RFX3: variants seen among roughly 807,000 people sequenced by gnomAD.
RFX3 encodes the protein transcription factor RFX3.
A neutral mutation model predicts 98.6 loss-of-function variants in RFX3; 14 were observed. The observed-to-expected ratio is 0.14, with a 90% CI of 0.09 to 0.22. RFX3 has a LOEUF of 0.22. Ranked by LOEUF, RFX3 falls within the 10% of genes least tolerant of loss-of-function variation. The probability of loss-of-function intolerance (pLI) is 1.00; values close to 1 mark genes in which losing one functional copy is unlikely to be tolerated. For synonymous variants in RFX3, 383 were observed against 328.4 expected (o/e 1.17, Z -1.80); for missense variants, 639 against 926.9 (o/e 0.69, Z 4.03).
chr9:3,333,069 T>A (rs926209378), intron 3 of RFX3, among the ~76,000 whole-genome samples: 1 of 152,182 alleles, frequency 6.6e-6, no homozygotes, highest in Non-Finnish European at 1.5e-5. Flanking sequence ...CTCCCATCAG[T>A]ACTCTCAACA....
chr9:3,510,513 T>C (rs746708398), intron 1 of RFX3, among the ~76,000 whole-genome samples: 1 of 152,066 alleles, frequency 6.6e-6, no homozygotes, highest in Non-Finnish European at 1.5e-5. Flanking sequence ...AATGTAGTAC[T>C]GGTCAAATTT....
rs932454773 is a variant in RFX3 at position 3,293,094 on chromosome 9, G to A, written c.714C>T (p.Thr238=). 11 of 1,611,874 alleles carry A rather than the reference G, an allele frequency of 6.8e-6. No homozygotes were observed. Among genetic ancestry groups the A allele is most frequent in the Non-Finnish European group, 8.5e-6 (10 of 1,179,004 alleles). The stretch of plus-strand genomic sequence containing the variant: ...ATACTAACCTAGTGCCCAATCTCCT[G>A]GTTCGTAGCCCCATAAAAATTGATC... ...LIRSIFMGLR[T]RRLGTRGNSK... The change falls in exon 6 of 17, where the codon ACC becomes ACT. Residue 238 remains threonine (T), a synonymous_variant. Coordinates refer to ENST00000617270, the MANE Select transcript of RFX3 (RefSeq NM_001282116.2).
chr9:3,372,976 C>G (rs575719167), intron 2 of RFX3, among the ~76,000 whole-genome samples: 1 of 152,218 alleles, frequency 6.6e-6, no homozygotes, highest in African/African-American at 2.4e-5. Context: ...AAATGGTAAA[C>G]TACTATCTTC....
intron 1 of RFX3, among the ~76,000 whole-genome samples, chr9:3,434,607 A>G (rs1844952793): frequency 6.6e-6 from 1 of 152,052 alleles, no homozygotes; most frequent in East Asian, 1.9e-4. Flanking sequence ...TAATAGGAAC[A>G]TCCTTCCCTA....
intron 14 of RFX3, among the ~76,000 whole-genome samples, chr9:3,250,530 T>C (rs1821243958): frequency 6.6e-6 from 1 of 152,106 alleles, no homozygotes; most frequent in African/African-American, 2.4e-5. Flanking sequence ...AAAACTTTTG[T>C]AGAGGGAAAT....
intron 1 of RFX3, among the ~76,000 whole-genome samples, chr9:3,417,534 A>C (rs1192777828): frequency 6.6e-6 from 1 of 152,146 alleles, no homozygotes; most frequent in Non-Finnish European, 1.5e-5. Context: ...AAGCAAATCA[A>C]ATATTTGGAA....
At chr9:3,247,947 T>C in intron 15 of RFX3, 85 bp downstream of exon 15, 1 of 1,613,498 alleles carries the variant, frequency 6.2e-7, no homozygotes, top group Non-Finnish European at 8.5e-7. Context: ...ACCATGGTTT[T>C]AATCAATAAT....
intron 2 of RFX3, among the ~76,000 whole-genome samples, chr9:3,368,635 A>T (rs1587355609): frequency 6.6e-6 from 1 of 152,356 alleles, no homozygotes; most frequent in East Asian, 1.9e-4. Context: ...TAAACAAAAG[A>T]TATTATTGAC....
chr9:3,274,026 T>C (rs1044422970), intron 9 of RFX3, among the ~76,000 whole-genome samples: 1 of 152,068 alleles, frequency 6.6e-6, no homozygotes, highest in South Asian at 2.1e-4. Context: ...ATAAGGAAAA[T>C]CCAGAAATTC....
intron 1 of RFX3, among the ~76,000 whole-genome samples, chr9:3,433,513 G>A (rs990022991): frequency 7.9e-5 from 12 of 152,060 alleles, no homozygotes; most frequent in Non-Finnish European, 1.5e-5. Context: ...TTATGTTATT[G>A]GCAAGCCTAT....
chr9:3,242,839 T>A (rs997247140), intron 15 of RFX3, among the ~76,000 whole-genome samples: 1 of 152,040 alleles, frequency 6.6e-6, no homozygotes, highest in African/African-American at 2.4e-5. Flanking sequence ...ATATTCGCAA[T>A]TGAACACTTA....
At chr9:3,327,082 T>A (rs989078332) in intron 4 of RFX3, among the ~76,000 whole-genome samples, 1 of 152,182 alleles carries the variant, frequency 6.6e-6, no homozygotes, top group East Asian at 1.9e-4. Context: ...ATGGCTTGAG[T>A]CTTGACCAAC....
chr9:3,469,253 G>A lies in RFX3; in HGVS notation c.-9+56494C>T, dbSNP rs1037598081. 60 of 444,354 alleles carry A rather than the reference G, an allele frequency of 1.4e-4. 1 individual carries two copies. Among genetic ancestry groups the A allele is most frequent in the South Asian group, 4.3e-4 (27 of 62,550 alleles). The allele number at this position is 444,354 out of a possible 1,614,324, so 27.5% of individuals were successfully genotyped here. On this transcript the variant is annotated intron_variant, in intron 1 of 16. Coordinates refer to ENST00000617270, the MANE Select transcript of RFX3 (RefSeq NM_001282116.2). ...GTGTTCAATGTAGGAACACAAATAC[G>A]TTATGCTTCTGTGTTCATATACTAT...
chr9:3,462,435 A>C (rs1847781401), intron 1 of RFX3, among the ~76,000 whole-genome samples: 2 of 152,056 alleles, frequency 1.3e-5, no homozygotes, highest in African/African-American at 4.8e-5. Context: ...ACTATAGCTA[A>C]CATTATACTT....
chr9:3,312,058 T>C (rs1448679963), intron 4 of RFX3, among the ~76,000 whole-genome samples: 1 of 152,210 alleles, frequency 6.6e-6, no homozygotes, highest in African/African-American at 2.4e-5. Context: ...ATTAATAATG[T>C]AGGTACTGAC....
At chr9:3,388,248 A>ATT (rs1839929307) in intron 2 of RFX3, among the ~76,000 whole-genome samples, 1 of 152,098 alleles carries the variant, frequency 6.6e-6, no homozygotes, top group South Asian at 2.1e-4. Context: ...ACTAAAATCT[A>ATT]TTTCCTAAAG....
At chr9:3,310,599 CTA>C (rs1211129156) in intron 4 of RFX3, among the ~76,000 whole-genome samples, 2 of 152,090 alleles carry the variant, frequency 1.3e-5, no homozygotes, top group African/African-American at 2.4e-5. Flanking sequence ...TAAAGGGTTT[CTA>C]TATTAATTCT....
At chr9:3,477,864 T>C (rs756007867) in intron 1 of RFX3, among the ~76,000 whole-genome samples, 1 of 152,208 alleles carries the variant, frequency 6.6e-6, no homozygotes, top group Non-Finnish European at 1.5e-5. Context: ...CATTGAACAA[T>C]CTCTATTGAC....
Position 3,361,190 on chromosome 9 carries a change from C to T in RFX3, c.118-14426G>A, listed in dbSNP as rs531138279. Among the ~76,000 whole-genome samples the T allele has an allele frequency of 3.9e-5, 6 of 152,162 alleles. No homozygotes were observed. The East Asian group carries it at 1.2e-3, about 29-fold the overall frequency. On this transcript the variant is annotated intron_variant, in intron 2 of 16. Coordinates refer to ENST00000617270, the MANE Select transcript of RFX3 (RefSeq NM_001282116.2). ...AAATGTGAAACAGAAGGAAAAAGGA[C>T]CCACATTATAACAGCTATTAATAAA...
Sources: allele counts gnomAD v4.1 joint callset (sites outside exome capture counted in the v4.1 genomes callset), GRCh38; gene constraint gnomAD v4.1.1; transcripts MANE v1.5; gene names NCBI Gene and HGNC (gene_info 2026-07-23, HGNC 2026-07-21).